MET: variants seen among roughly 807,000 people sequenced by gnomAD.
The protein encoded by MET is hepatocyte growth factor receptor.
Under a neutral mutation model 133.1 loss-of-function variants are expected in MET, and 48 were observed. That is an observed-to-expected ratio of 0.36 (90% confidence interval 0.29 to 0.46). The LOEUF (loss-of-function observed/expected upper bound fraction) is 0.46. Ranked by LOEUF, MET falls within the 20% of genes least tolerant of loss-of-function variation. The pLI is 1.00. For synonymous variants in MET, 628 were observed against 616.5 expected, an observed-to-expected ratio of 1.02 and a Z score of -0.28; for missense variants, 1,442 against 1,695.9, an observed-to-expected ratio of 0.85 and a Z score of 2.63.
At chr7:116,747,567 A>T (rs1225346727) in intron 5 of MET, among the ~76,000 whole-genome samples, 1 of 152,252 alleles carries the variant, frequency 6.6e-6, no homozygotes. Flanking sequence ...ACACAACCAG[A>T]AGAGCTAACT....
At chr7:116,759,521 A>G (rs763587498) in intron 10 of MET, 31 bp downstream of exon 10, 1 of 1,604,034 alleles carries the variant, frequency 6.2e-7, no homozygotes, top group African/African-American at 1.3e-5. Flanking sequence ...TTCTACTCAG[A>G]GCTCTGCATC....
intron 14 of MET, 141 bp from the exon 15 acceptor site, chr7:116,774,740 C>T (rs1355218012): frequency 1.8e-5 from 12 of 672,258 alleles, no homozygotes; most frequent in Non-Finnish European, 2.8e-5. Context: ...TAATGAAATG[C>T]TTGTATATAT....
chr7:116,787,299 G>GT lies in MET; in HGVS notation c.3798+3832dup, dbSNP rs527574159. 1.9e-3 allele frequency among the ~76,000 whole-genome samples: 290 copies of GT among 152,276 alleles called. 1 individual carries two copies. The highest frequency in any genetic ancestry group is 6.7e-3 in the African/African-American group (280 of 41,554). ...ACATACTGTTCATTCAGACTTGAGG[G>GT]TTAGTCTGCCATTAAGAAGCCAGAG... On this transcript the variant is annotated intron_variant, in intron 19 of 20. Coordinates refer to ENST00000397752, the MANE Select transcript of MET (RefSeq NM_000245.4).
chr7:116,771,424 A>G, intron 12 of MET, 74 bp from the exon 13 acceptor site: 1 of 1,580,240 alleles, frequency 6.3e-7, no homozygotes, highest in East Asian at 2.2e-5. Context: ...TTTGGGACCC[A>G]AAGTGCTACA....
At chr7:116,728,814 C>G (rs888997986) in intron 2 of MET, among the ~76,000 whole-genome samples, 3 of 152,114 alleles carry the variant, frequency 2.0e-5, no homozygotes, top group African/African-American at 7.2e-5. Context: ...TCATTCACAC[C>G]CACCAGATTG....
At position 116,672,417 on chromosome 7, in the gene MET, C is replaced by G; in HGVS notation, c.-175C>G. On this transcript the variant is annotated 5_prime_UTR_variant, in exon 1 of 21. Coordinates refer to ENST00000397752, the MANE Select transcript of MET (RefSeq NM_000245.4). ...AGGTGACCCGGAGGCCCTCGCCGCC[C>G]GCGGCGCCCCGAGCGCTTTGTGAGC... The G allele has an allele frequency of 2.5e-6, 1 of 392,578 alleles. No individual in the cohort carries two copies. Among genetic ancestry groups the G allele is most frequent in the East Asian group, 3.6e-5 (1 of 27,642 alleles). The allele number at this position is 392,578 out of a possible 1,614,324, so 24.3% of individuals were successfully genotyped here.
At chr7:116,772,777 C>T (rs1794874730) in intron 14 of MET, among the ~76,000 whole-genome samples, 1 of 152,136 alleles carries the variant, frequency 6.6e-6, no homozygotes, top group South Asian at 2.1e-4. Context: ...CAAACAAGTT[C>T]AAGAGCAATG....
intron 19 of MET, among the ~76,000 whole-genome samples, chr7:116,792,999 G>T (rs559208441): frequency 1.3e-5 from 2 of 152,108 alleles, no homozygotes; most frequent in Non-Finnish European, 2.9e-5. Flanking sequence ...ATAGGCTTCC[G>T]TATTGTAGGT....
At chr7:116,741,083 T>TC (rs587777950) in intron 5 of MET, 58 bp downstream of exon 5, 1 of 1,476,058 alleles carries the variant, frequency 6.8e-7, no homozygotes, top group South Asian at 1.2e-5. Context: ...TTTTTTTTTT[T>TC]GGTTTGGTTT....
At chr7:116,689,559 C>G (rs1048556984) in intron 1 of MET, among the ~76,000 whole-genome samples, 1 of 94,774 alleles carries the variant, frequency 1.1e-5, no homozygotes, top group Non-Finnish European at 2.0e-5. Flanking sequence ...TGGGCTTACT[C>G]TTTTTTTTTT....
intron 3 of MET, among the ~76,000 whole-genome samples, chr7:116,733,621 G>A (rs1366884873): frequency 6.6e-6 from 1 of 151,962 alleles, no homozygotes. Flanking sequence ...TTGTCTCCTA[G>A]CCTTTGTGTA....
chr7:116,769,843 A>G (rs1460297952), intron 12 of MET, 52 bp downstream of exon 12: 3 of 1,611,540 alleles, frequency 1.9e-6, no homozygotes, highest in Non-Finnish European at 2.5e-6. Context: ...CAGTGTAATT[A>G]TGTTATTCTC....
intron 2 of MET, among the ~76,000 whole-genome samples, chr7:116,703,467 A>T (rs150081685): frequency 2.6e-5 from 4 of 152,300 alleles, no homozygotes; most frequent in South Asian, 4.1e-4. Context: ...TCTAAATAGC[A>T]TATTATTATT....
intron 1 of MET, among the ~76,000 whole-genome samples, chr7:116,681,668 C>A (rs2116478866): frequency 6.6e-6 from 1 of 152,306 alleles, no homozygotes. Flanking sequence ...CTCTGAGGGT[C>A]TTAGGTGAGC....
At chr7:116,689,965 G>A (rs78453517) in intron 1 of MET, among the ~76,000 whole-genome samples, 10,873 of 151,968 alleles carry the variant, frequency 0.072, 552 homozygotes, top group African/African-American at 0.14. Context: ...GGCAATTTTC[G>A]AAGGGCTTCA....
intron 2 of MET, among the ~76,000 whole-genome samples, chr7:116,707,383 A>T (rs1445281475): frequency 6.6e-6 from 1 of 152,148 alleles, no homozygotes; most frequent in Non-Finnish European, 1.5e-5. Context: ...GAGGACATTA[A>T]AATGGTAGAT....
intron 4 of MET, 148 bp from the exon 5 acceptor site, chr7:116,740,704 C>A: frequency 2.1e-6 from 2 of 956,482 alleles, no homozygotes; most frequent in Non-Finnish European, 3.2e-6. Flanking sequence ...ATTTTAATCA[C>A]CGTTATGACA....
chr7:116,770,448 AT>A (rs1794795622), intron 12 of MET, among the ~76,000 whole-genome samples: 1 of 152,102 alleles, frequency 6.6e-6, no homozygotes, highest in Admixed American at 6.5e-5. Flanking sequence ...CATTTTGACC[AT>A]TTTTAAATGT....
chr7:116,759,674 T>C (rs1562923792), intron 10 of MET, 184 bp downstream of exon 10: 4 of 711,334 alleles, frequency 5.6e-6, no homozygotes, highest in Non-Finnish European at 9.9e-6. Flanking sequence ...GGGCTAACCA[T>C]GTGGAAAAAA....
Sources: gnomAD v4.1 joint callset for allele counts (sites outside exome capture counted in the v4.1 genomes callset) on GRCh38, gnomAD v4.1.1 for gene constraint, MANE v1.5 for transcripts, NCBI Gene and HGNC (gene_info 2026-07-23, HGNC 2026-07-21) for gene names.